The following MORC1 variants were observed in gnomAD, a reference collection of about 807,000 sequenced individuals.
MORC1 encodes the protein MORC family CW-type zinc finger 1.
A neutral mutation model predicts 134.9 loss-of-function variants in MORC1; 59 were observed. That is an observed-to-expected ratio of 0.44 (90% CI 0.35 to 0.54). MORC1 has a LOEUF of 0.54. Among genes scored for constraint, MORC1 ranks in the 20% least tolerant of loss-of-function variants. MORC1 has a pLI of 0.00. For missense variants in MORC1, 947 were observed against 1,134.5 expected (o/e 0.83, Z 2.37); for synonymous variants, 395 against 391.7 (o/e 1.01, Z -0.10).
intron 3 of MORC1, among the ~76,000 whole-genome samples, chr3:109,108,344 G>A (rs576529042): frequency 2.6e-5 from 4 of 152,288 alleles, no homozygotes; most frequent in East Asian, 1.9e-4. Context: ...AACATAATGC[G>A]TGGATTCTGA....
At chr3:109,017,934 G>A (rs1948855097) in intron 17 of MORC1, among the ~76,000 whole-genome samples, 2 of 152,208 alleles carry the variant, frequency 1.3e-5, no homozygotes, top group African/African-American at 2.4e-5. Context: ...AGCTGCATAA[G>A]ATGAACTGTC....
At chr3:109,066,324 C>T (rs1260426689) in intron 9 of MORC1, among the ~76,000 whole-genome samples, 1 of 150,640 alleles carries the variant, frequency 6.6e-6, no homozygotes, top group Admixed American at 6.6e-5. Context: ...TTCACTCAGT[C>T]GCCCAGGCTG....
At chr3:108,986,731 C>G (rs925081462) in intron 22 of MORC1, 149 bp downstream of exon 22, 7 of 542,426 alleles carry the variant, frequency 1.3e-5, no homozygotes, top group Non-Finnish European at 2.2e-5. Flanking sequence ...TCTCTCTACT[C>G]CTCTCACTTC....
intron 1 of MORC1, among the ~76,000 whole-genome samples, chr3:109,114,857 T>C (rs1951237064): frequency 3.3e-5 from 5 of 152,260 alleles, no homozygotes; most frequent in Admixed American, 3.3e-4. Context: ...TAAGGCTCCA[T>C]GTGCAGGCAA....
chr3:109,013,886 C>T (rs1270425239), intron 17 of MORC1, among the ~76,000 whole-genome samples: 2 of 150,702 alleles, frequency 1.3e-5, no homozygotes, highest in East Asian at 3.8e-4. Context: ...AGTTCAATCT[C>T]TCTCTCTCTT....
chr3:109,090,153 G>A (rs545675795), intron 8 of MORC1, among the ~76,000 whole-genome samples: 19 of 152,066 alleles, frequency 1.2e-4, no homozygotes, highest in African/African-American at 4.6e-4. Flanking sequence ...CCTTTAAACT[G>A]ATATTGCCAA....
At chr3:108,966,233 T>A (rs1947217380) in intron 26 of MORC1, among the ~76,000 whole-genome samples, 1 of 152,198 alleles carries the variant, frequency 6.6e-6, no homozygotes, top group African/African-American at 2.4e-5. Context: ...TAATTCAGAA[T>A]GGAATTAGGA....
intron 16 of MORC1, 151 bp downstream of exon 16, chr3:109,032,569 T>G: frequency 1.7e-6 from 1 of 586,274 alleles, no homozygotes; most frequent in Non-Finnish European, 3.0e-6. Flanking sequence ...GAAATAATCT[T>G]TGCACAGGTA....
chr3:109,016,820 G>A (rs1330470827), intron 17 of MORC1, among the ~76,000 whole-genome samples: 3 of 151,976 alleles, frequency 2.0e-5, no homozygotes, highest in Admixed American at 6.6e-5. Flanking sequence ...AGCTGAGATC[G>A]CACCACTGCA....
intron 3 of MORC1, among the ~76,000 whole-genome samples, chr3:109,107,242 C>G (rs779452930): frequency 6.6e-6 from 1 of 152,012 alleles, no homozygotes; most frequent in Non-Finnish European, 1.5e-5. Context: ...AATTAATGAC[C>G]CCTTTATCTC....
At chr3:109,001,947 C>A (rs1221417454) in intron 20 of MORC1, among the ~76,000 whole-genome samples, 1 of 152,192 alleles carries the variant, frequency 6.6e-6, no homozygotes, top group African/African-American at 2.4e-5. Context: ...AATGGAATCA[C>A]CATTCAACCT....
chr3:109,068,718 T>C (rs1229315252), intron 9 of MORC1, among the ~76,000 whole-genome samples: 1 of 152,142 alleles, frequency 6.6e-6, no homozygotes, highest in African/African-American at 2.4e-5. Flanking sequence ...TCCTCTAATC[T>C]CAAACTCACA....
chr3:109,007,266 TAGTAGTG>T (rs1948562662), intron 17 of MORC1, among the ~76,000 whole-genome samples, 175 bp from the exon 18 acceptor site: 1 of 152,176 alleles, frequency 6.6e-6, no homozygotes, highest in Non-Finnish European at 1.5e-5. Flanking sequence ...ATGTTCTGAT[TAGTAGTG>T]ACAAGACAGT....
intron 8 of MORC1, among the ~76,000 whole-genome samples, chr3:109,086,984 C>T (rs1438040399): frequency 6.6e-6 from 1 of 152,004 alleles, no homozygotes; most frequent in Admixed American, 6.6e-5. Context: ...ATAATTTCTA[C>T]AGTAGAAGAG....
At chr3:109,066,786 G>T (rs552480304) in intron 9 of MORC1, among the ~76,000 whole-genome samples, 1 of 152,230 alleles carries the variant, frequency 6.6e-6, no homozygotes, top group South Asian at 2.1e-4. Context: ...AACCTCAGTG[G>T]CAGAGGAATT....
intron 17 of MORC1, among the ~76,000 whole-genome samples, chr3:109,008,938 C>G (rs1383163727): frequency 6.6e-6 from 1 of 152,184 alleles, no homozygotes; most frequent in Non-Finnish European, 1.5e-5. Flanking sequence ...CGTCAAACTA[C>G]TTTTCCCCTT....
intron 23 of MORC1, among the ~76,000 whole-genome samples, chr3:108,983,159 A>G (rs1947794861): frequency 6.6e-6 from 1 of 152,236 alleles, no homozygotes; most frequent in Admixed American, 6.5e-5. Flanking sequence ...ATTTTCATAA[A>G]TAATTCTAAG....
At chr3:109,001,193 T>C (rs760934505) in intron 20 of MORC1, among the ~76,000 whole-genome samples, 16 of 151,984 alleles carry the variant, frequency 1.1e-4, no homozygotes, top group Non-Finnish European at 2.2e-4. Flanking sequence ...AGTGCAGTGG[T>C]GTGATCTTGG....
In MORC1 at chr3:109,004,850, A is replaced by G. The variant is rs527468311; in HGVS notation, c.2052T>C (p.Ala684=). Residue 684 remains alanine (A), a synonymous_variant, in exon 20 of 28, where the codon GCT becomes GCC. Transcript: ENST00000232603. ...QIANITTVWR[A]QPTEGCLKNA... ...TCTTCAGGCACCCTTCAGTTGGTTGAGCTCTCCAGACAGTGGTAATATTAG... is the reference window on the plus strand; with the variant it reads ...TCTTCAGGCACCCTTCAGTTGGTTGGGCTCTCCAGACAGTGGTAATATTAG... 95 of 1,613,948 alleles carry G rather than the reference A, an allele frequency of 5.9e-5. No individual in the cohort carries two copies. The highest frequency in any genetic ancestry group is 2.5e-4 in the East Asian group (11 of 44,858).
Sources: allele counts gnomAD v4.1 joint callset (sites outside exome capture counted in the v4.1 genomes callset), GRCh38; gene constraint gnomAD v4.1.1; transcripts MANE v1.5; gene names NCBI Gene and HGNC (gene_info 2026-07-23, HGNC 2026-07-21).